NEDD1: variants seen among roughly 807,000 people sequenced by gnomAD.
NEDD1 encodes NEDD1 gamma-tubulin ring complex targeting factor, also known as protein NEDD1.
NEDD1 carries 33 observed loss-of-function variants against 74.0 expected under a neutral mutation model. That is an observed-to-expected ratio of 0.45 (90% confidence interval 0.34 to 0.60). NEDD1 has a LOEUF of 0.60. NEDD1 is among the 20% of genes least tolerant of loss of function. The pLI is 0.01. For synonymous variants in NEDD1, 250 were observed against 264.4 expected (o/e 0.95, Z 0.53); for missense variants, 746 against 776.5 (o/e 0.96, Z 0.47).
chr12:96,924,381 T>C (rs1875460333), intron 6 of NEDD1, among the ~76,000 whole-genome samples: 1 of 152,236 alleles, frequency 6.6e-6, no homozygotes, highest in African/African-American at 2.4e-5. Flanking sequence ...TAAGATTATA[T>C]TGGATCTATG....
At position 96,952,183 on chromosome 12, in the gene NEDD1, G is replaced by T; in HGVS notation, c.*130G>T. ...TTCAAGTAAGAGTAAAAGGATGATG[G>T]GATTTTATACCAACAACTGTTTCAT... On this transcript the variant is annotated 3_prime_UTR_variant, in exon 16 of 16. Coordinates refer to ENST00000266742, the MANE Select transcript of NEDD1 (RefSeq NM_152905.4). 5 of 581,820 alleles carry T rather than the reference G, an allele frequency of 8.6e-6. No individual in the cohort carries two copies. Among genetic ancestry groups the T allele is most frequent in the South Asian group, 4.2e-5 (2 of 47,578 alleles). 36.0% of individuals were successfully genotyped at this position (581,820 alleles called of 1,614,324 possible). A position where few individuals can be genotyped will look rare whatever the true frequency, so the allele number is the denominator to read the frequency against.
chr12:96,933,837 A>G (rs1876804742), intron 6 of NEDD1, among the ~76,000 whole-genome samples: 1 of 152,210 alleles, frequency 6.6e-6, no homozygotes, highest in African/African-American at 2.4e-5. Context: ...GACAACATCA[A>G]TACAAGTTTG....
rs535803474 is a variant in NEDD1, at chr12:96,919,862, G to T, written c.349-123G>T. 1.5e-4 allele frequency: 87 copies of T among 588,090 alleles called. No homozygotes were observed. The South Asian group carries it at 2.6e-3, about 18-fold the overall frequency. 36.4% of individuals were successfully genotyped at this position (588,090 alleles called of 1,614,324 possible). On this transcript the variant is annotated intron_variant, in intron 5 of 15. Coordinates refer to ENST00000266742, the MANE Select transcript of NEDD1 (RefSeq NM_152905.4). ...ATTGAAAATAATTCTCTGTATATTTGAGGAAAATGTTAAAGCAAATATTAG... is the reference window on the plus strand; with the variant it reads ...ATTGAAAATAATTCTCTGTATATTTTAGGAAAATGTTAAAGCAAATATTAG...
chr12:96,927,467 TC>T (rs1875837611), intron 6 of NEDD1, among the ~76,000 whole-genome samples: 1 of 152,260 alleles, frequency 6.6e-6, no homozygotes, highest in African/African-American at 2.4e-5. Context: ...TAATTGCATG[TC>T]ACTCTTTAGC....
chr12:96,910,433 C>G (rs1873797874), intron 3 of NEDD1, among the ~76,000 whole-genome samples: 1 of 152,206 alleles, frequency 6.6e-6, no homozygotes, highest in African/African-American at 2.4e-5. Flanking sequence ...ATTTCCTAAA[C>G]AGACATAGTA....
chr12:96,947,185 A>AT (rs1878277541), intron 14 of NEDD1, among the ~76,000 whole-genome samples: 1 of 152,030 alleles, frequency 6.6e-6, no homozygotes, highest in Non-Finnish European at 1.5e-5. Flanking sequence ...AAGTTCTGTT[A>AT]TTTTTAATAC....
intron 14 of NEDD1, among the ~76,000 whole-genome samples, chr12:96,949,334 C>T (rs1382993956): frequency 6.6e-6 from 1 of 152,106 alleles, no homozygotes; most frequent in Non-Finnish European, 1.5e-5. Context: ...AAAATACCCT[C>T]ATAGTTAGAA....
At chr12:96,913,630 C>A (rs1874150620) in intron 4 of NEDD1, among the ~76,000 whole-genome samples, 1 of 152,128 alleles carries the variant, frequency 6.6e-6, no homozygotes, top group Admixed American at 6.5e-5. Context: ...CCTCAGCCTC[C>A]CAAAGTGCTG....
intron 12 of NEDD1, among the ~76,000 whole-genome samples, 164 bp downstream of exon 12, chr12:96,943,926 A>G (rs187682643): frequency 4.6e-5 from 7 of 152,142 alleles, no homozygotes; most frequent in East Asian, 1.9e-4. Flanking sequence ...CTCGCTTTGG[A>G]TATGTTGAAG....
rs144157309 is a variant in NEDD1 at position 96,947,676 on chromosome 12, A to G, written c.1811+1827A>G. Among the ~76,000 whole-genome samples the G allele has an allele frequency of 9.5e-3, 1,443 of 152,194 alleles. 87 individuals are homozygous for G. Among genetic ancestry groups the G allele is most frequent in the Admixed American group, 0.088 (1,342 of 15,284 alleles). ...ACCCAGGGATCTGAGTGCTGGAGCA[A>G]CTCTGAAATCGCTGTGCATTTCTGC... On this transcript the variant is annotated intron_variant, in intron 14 of 15. Coordinates refer to ENST00000266742, the MANE Select transcript of NEDD1 (RefSeq NM_152905.4).
At chr12:96,942,323 T>TA (rs1877741601) in intron 10 of NEDD1, among the ~76,000 whole-genome samples, 1 of 152,154 alleles carries the variant, frequency 6.6e-6, no homozygotes, top group Admixed American at 6.6e-5. Context: ...CAGGGCTTGT[T>TA]ACACTATACC....
At chr12:96,939,790 A>G (rs551358872) in intron 9 of NEDD1, among the ~76,000 whole-genome samples, 129 of 152,080 alleles carry the variant, frequency 8.5e-4, no homozygotes, top group African/African-American at 2.9e-3. Context: ...CTACCTTACT[A>G]TTCTTTATGA....
chr12:96,944,171 G>A (rs758293475), intron 12 of NEDD1, among the ~76,000 whole-genome samples: 1 of 151,932 alleles, frequency 6.6e-6, no homozygotes, highest in African/African-American at 2.4e-5. Flanking sequence ...AATTTTTTAT[G>A]TAAGGGTTCA....
intron 5 of NEDD1, among the ~76,000 whole-genome samples, chr12:96,918,270 A>G (rs1171342530): frequency 6.6e-6 from 1 of 151,632 alleles, no homozygotes; most frequent in Non-Finnish European, 1.5e-5. Flanking sequence ...AGCTTTTTGT[A>G]GTTTCAGAAA....
chr12:96,911,356 A>G (rs959971970), intron 3 of NEDD1, among the ~76,000 whole-genome samples: 2 of 152,218 alleles, frequency 1.3e-5, no homozygotes, highest in African/African-American at 4.8e-5. Context: ...TAGCTATGAG[A>G]TAGTGTTGTA....
intron 8 of NEDD1, among the ~76,000 whole-genome samples, 181 bp downstream of exon 8, chr12:96,936,993 CT>C (rs1027300448): frequency 9.5e-5 from 14 of 146,748 alleles, no homozygotes; most frequent in Admixed American, 2.0e-4. Flanking sequence ...AACTTTTTTT[CT>C]TTTTTTTTTC....
intron 6 of NEDD1, among the ~76,000 whole-genome samples, chr12:96,928,009 C>T (rs1875901172): frequency 6.6e-6 from 1 of 152,114 alleles, no homozygotes; most frequent in Non-Finnish European, 1.5e-5. Context: ...TGTTCTTGAG[C>T]AATTTTATAA....
At chr12:96,931,124 C>T (rs750670674) in intron 6 of NEDD1, among the ~76,000 whole-genome samples, 2 of 152,076 alleles carry the variant, frequency 1.3e-5, no homozygotes, top group Non-Finnish European at 2.9e-5. Flanking sequence ...CAAAGGAACA[C>T]TATATTTATG....
chr12:96,934,930 TATGAATGCTTATAATTAC>T, intron 6 of NEDD1, 28 bp from the exon 7 acceptor site: 1 of 1,152,932 alleles, frequency 8.7e-7, no homozygotes, highest in Non-Finnish European at 1.3e-6. Context: ...CAAATGTCCT[TATGAATGCTTATAATTAC>T]ATAAAATTTA....
Sources: gnomAD v4.1 joint callset for allele counts (sites outside exome capture counted in the v4.1 genomes callset) on GRCh38, gnomAD v4.1.1 for gene constraint, MANE v1.5 for transcripts, NCBI Gene and HGNC (gene_info 2026-07-23, HGNC 2026-07-21) for gene names.